The following TMEM178A variants were observed in gnomAD, a reference collection of about 807,000 sequenced individuals.
The protein encoded by TMEM178A is transmembrane protein 178A.
A neutral mutation model predicts 29.1 loss-of-function variants in TMEM178A; 12 were observed. That is an observed-to-expected ratio of 0.41 (90% CI 0.26 to 0.67). The LOEUF is 0.67. Among genes scored for constraint, TMEM178A ranks in the 30% least tolerant of loss-of-function variants. The pLI is 0.29. For missense variants in TMEM178A, 366 were observed against 419.1 expected (o/e 0.87, Z 1.11); for synonymous variants, 210 against 187.2 (o/e 1.12, Z -0.99).
chr2:39,688,833 T>A (rs1166048310), intron 1 of TMEM178A, among the ~76,000 whole-genome samples: 1 of 152,214 alleles, frequency 6.6e-6, no homozygotes, highest in Admixed American at 6.5e-5. Context: ...TCTTTGTAGA[T>A]CCTGAAGTCC....
intron 1 of TMEM178A, among the ~76,000 whole-genome samples, chr2:39,674,498 C>G (rs1333034943): frequency 2.0e-5 from 3 of 152,100 alleles, no homozygotes; most frequent in Non-Finnish European, 4.4e-5. Flanking sequence ...ATACAATAGA[C>G]TTTGGGGACT....
intron 3 of TMEM178A, among the ~76,000 whole-genome samples, chr2:39,710,907 T>C (rs1211521312): frequency 6.6e-6 from 1 of 152,214 alleles, no homozygotes; most frequent in South Asian, 2.1e-4. Flanking sequence ...TCTGAAACGA[T>C]ATTTCTCCTT....
rs771837641 is a variant in TMEM178A at position 39,666,040 on chromosome 2, C to A, written c.66C>A (p.Leu22=). 1.8e-5 allele frequency: 28 copies of A among 1,559,164 alleles called. No individual in the cohort carries two copies. Among genetic ancestry groups the A allele is most frequent in the Non-Finnish European group, 1.9e-5 (22 of 1,156,324 alleles). ...TCAGCCTGTGCTCCCTGGGGCTGCT[C>A]GTCACGGCCATCTTCACCGACCACT... ...LGLSLCSLGL[L]VTAIFTDHWY... is the part of the protein sequence containing the mutation. Residue 22 remains leucine (L), a synonymous_variant, in exon 1 of 4, where the codon CTC becomes CTA. Coordinates refer to ENST00000281961, the MANE Select transcript of TMEM178A (RefSeq NM_152390.3).
chr2:39,704,649 G>T (rs1261843591), intron 2 of TMEM178A, among the ~76,000 whole-genome samples: 1 of 152,132 alleles, frequency 6.6e-6, no homozygotes, highest in African/African-American at 2.4e-5. Context: ...TTTTCTCAGA[G>T]GGTGTCTACA....
chr2:39,734,007 G>C, the TMEM178A span, among the ~76,000 whole-genome samples: 1 of 151,862 alleles, frequency 6.6e-6, no homozygotes, highest in African/African-American at 2.4e-5. Flanking sequence ...TAAAAAAAAA[G>C]CTGCTACTTC....
At chr2:39,725,683 C>T in the TMEM178A span, among the ~76,000 whole-genome samples, 21 of 152,272 alleles carry the variant, frequency 1.4e-4, no homozygotes, top group South Asian at 2.1e-4. Flanking sequence ...AAATGAATGA[C>T]GCATCACTAA....
At position 39,717,415 on chromosome 2, in the gene TMEM178A, GGACAA is replaced by G. The variant is rs535555136; in HGVS notation, c.*168_*172del. On this transcript the variant is annotated 3_prime_UTR_variant, in exon 4 of 4. Transcript: ENST00000281961. ...ATGCAAAACCTCCCAACCTTTCTAA[GGACAA>G]GACTACTGTGGATTCAAGTGCTTTA... 868 of 985,482 alleles carry G rather than the reference GGACAA, an allele frequency of 8.8e-4. 2 individuals are homozygous for G. The African/African-American group carries it at 0.012, about 14-fold the overall frequency. 61.0% of individuals were successfully genotyped at this position (985,482 alleles called of 1,614,324 possible).
chr2:39,681,315 T>G (rs1474479243), intron 1 of TMEM178A, among the ~76,000 whole-genome samples: 1 of 152,202 alleles, frequency 6.6e-6, no homozygotes, highest in East Asian at 1.9e-4. Flanking sequence ...AGGGTCAGGC[T>G]GATTCTCATT....
downstream of TMEM178A, among the ~76,000 whole-genome samples, chr2:39,720,159 A>C (rs528015227): frequency 6.6e-6 from 1 of 152,292 alleles, no homozygotes; most frequent in East Asian, 1.9e-4. Context: ...TTCATACTTC[A>C]CAACATTCTC....
intron 2 of TMEM178A, among the ~76,000 whole-genome samples, chr2:39,706,407 G>A (rs1672036911): frequency 6.6e-6 from 1 of 152,224 alleles, no homozygotes; most frequent in South Asian, 2.1e-4. Flanking sequence ...ATGAGCACAT[G>A]TATCCTGTGT....
intron 3 of TMEM178A, among the ~76,000 whole-genome samples, chr2:39,710,984 T>C (rs1290851838): frequency 6.6e-6 from 1 of 152,250 alleles, no homozygotes; most frequent in East Asian, 1.9e-4. Flanking sequence ...CTGCTGACTG[T>C]CGATGCACAT....
chr2:39,710,945 T>C (rs1163151361), intron 3 of TMEM178A, among the ~76,000 whole-genome samples: 1 of 152,206 alleles, frequency 6.6e-6, no homozygotes, highest in Non-Finnish European at 1.5e-5. Flanking sequence ...CACAGACAGG[T>C]CTTGATTACC....
At chr2:39,695,804 G>A (rs1337611861) in intron 1 of TMEM178A, among the ~76,000 whole-genome samples, 2 of 152,074 alleles carry the variant, frequency 1.3e-5, no homozygotes, top group East Asian at 1.9e-4. Flanking sequence ...GAGGGACCGC[G>A]TGTGATTTTC....
rs1572637868 is a variant in TMEM178A at position 39,666,211 on chromosome 2, G to C, written c.237G>C (p.Pro79=). The stretch of plus-strand genomic sequence containing the variant: ...CCCCGCTGGGGCGCCGGCTGCTCCC[G>C]GGCGGCCCGGGGCGCGCCGACCCCG... The part of the protein sequence containing the change: ...DSPPLGRRLL[P]GGPGRADPES... The change falls in exon 1 of 4, where the codon CCG becomes CCC. Residue 79 remains proline, a synonymous_variant. Transcript: ENST00000281961. 7.4e-7 allele frequency: 1 copy of C among 1,349,370 alleles called. No individual in the cohort carries two copies. Among genetic ancestry groups the C allele is most frequent in the African/African-American group, 1.5e-5 (1 of 64,728 alleles). 83.6% of individuals were successfully genotyped at this position (1,349,370 alleles called of 1,614,324 possible). A position where few individuals can be genotyped will look rare whatever the true frequency, so the allele number is the denominator to read the frequency against.
At chr2:39,668,680 T>G (rs1390187837) in intron 1 of TMEM178A, among the ~76,000 whole-genome samples, 1 of 152,170 alleles carries the variant, frequency 6.6e-6, no homozygotes, top group East Asian at 1.9e-4. Context: ...AGAACAGGCA[T>G]TGGTAGATTA....
At chr2:39,721,524 A>C (rs1172749855), downstream of TMEM178A, among the ~76,000 whole-genome samples, 1 of 152,102 alleles carries the variant, frequency 6.6e-6, no homozygotes, top group African/African-American at 2.4e-5. Flanking sequence ...TTTTGCAGAG[A>C]GGAAGGAGAC....
chr2:39,724,644 C>T, the TMEM178A span, among the ~76,000 whole-genome samples: 1 of 152,168 alleles, frequency 6.6e-6, no homozygotes, highest in Non-Finnish European at 1.5e-5. Flanking sequence ...GGTCGCTGTG[C>T]AGTGACTTAG....
At chr2:39,693,079 A>C (rs1671390835) in intron 1 of TMEM178A, among the ~76,000 whole-genome samples, 1 of 152,212 alleles carries the variant, frequency 6.6e-6, no homozygotes. Flanking sequence ...GTGCCACTGC[A>C]CTTCAGCCTG....
At chr2:39,666,462 C>A (rs1338858568) in intron 1 of TMEM178A, 88 bp downstream of exon 1, 1 of 1,112,964 alleles carries the variant, frequency 9.0e-7, no homozygotes, top group Admixed American at 4.7e-5. Flanking sequence ...CCCCGCAGCC[C>A]CCTCCCAGCC....
Sources: allele counts gnomAD v4.1 joint callset (sites outside exome capture counted in the v4.1 genomes callset), GRCh38; gene constraint gnomAD v4.1.1; transcripts MANE v1.5; gene names NCBI Gene and HGNC (gene_info 2026-07-23, HGNC 2026-07-21).